KCNK12: variants seen among roughly 807,000 people sequenced by gnomAD.
KCNK12 encodes the protein potassium channel subfamily K member 12.
KCNK12 carries 6 observed loss-of-function variants against 25.3 expected under a neutral mutation model. That is an observed-to-expected ratio of 0.24 (90% CI 0.13 to 0.47). The LOEUF is 0.47. Among genes scored for constraint, KCNK12 ranks in the 20% least tolerant of loss-of-function variants. The probability of loss-of-function intolerance (pLI) is 0.99; values close to 1 mark genes in which losing one functional copy is unlikely to be tolerated. For missense variants in KCNK12, 444 were observed against 661.7 expected, an observed-to-expected ratio of 0.67 and a Z score of 3.61; for synonymous variants, 331 against 311.1, an observed-to-expected ratio of 1.06 and a Z score of -0.67.
In KCNK12 at chr2:47,551,619, C is replaced by A. The variant is rs200145966; in HGVS notation, c.391+18322G>T. ...CTGGATGCCAAATTAGAATACAGGG[C>A]CTGCTAACTGTTCTGGAAAGTATGA... On this transcript the variant is annotated intron_variant, in intron 1 of 1. Transcript: ENST00000327876. This position sits in a 1 kb window ranked among gnomAD's most constrained non-coding sequence, Gnocchi z 5.3. Among the ~76,000 whole-genome samples the A allele has an allele frequency of 1.3e-4, 20 of 152,268 alleles. 1 individual carries two copies. Among genetic ancestry groups the A allele is most frequent in the African/African-American group, 4.8e-4 (20 of 41,548 alleles).
At position 47,519,746 on chromosome 2, in the gene KCNK12, A is replaced by C. The variant is rs1003219688; in HGVS notation, c.*1161T>G. 1 of 152,208 alleles carries C rather than the reference A, an allele frequency of 6.6e-6. No individual in the cohort carries two copies. Among genetic ancestry groups the C allele is most frequent in the African/African-American group, 2.4e-5 (1 of 41,438 alleles). The allele number at this position is 152,208 out of a possible 1,614,324, so 9.4% of individuals were successfully genotyped here. ...AGAAGACAAATCCTCTTGATAAACAATATTTAGAAAGGGATTCTATCTTTC... is the reference window on the plus strand; with the variant it reads ...AGAAGACAAATCCTCTTGATAAACACTATTTAGAAAGGGATTCTATCTTTC... On this transcript the variant is annotated 3_prime_UTR_variant, in exon 2 of 2. Transcript: ENST00000327876.
intron 1 of KCNK12, among the ~76,000 whole-genome samples, chr2:47,561,647 A>G (rs756137879): frequency 8.5e-5 from 13 of 152,174 alleles, no homozygotes; most frequent in Non-Finnish European, 1.6e-4. Context: ...GATGCTACTC[A>G]TGGTTACCAG....
rs1668738736 is a variant in KCNK12 at position 47,525,041 on chromosome 2, C to G, written c.392-3233G>C. Among the ~76,000 whole-genome samples, 1 of 149,304 alleles carries G rather than the reference C, an allele frequency of 6.7e-6. No homozygotes were observed. Among genetic ancestry groups the G allele is most frequent in the Admixed American group, 6.6e-5 (1 of 15,246 alleles). ...CCTGGAAAACCAATACTTTGTCTAA[C>G]TAAGAAAATACTGAATTGGATTTTT... On this transcript the variant is annotated intron_variant, in intron 1 of 1. Transcript: ENST00000327876. This position sits in a 1 kb window ranked among gnomAD's most constrained non-coding sequence, Gnocchi z 4.1.
intron 1 of KCNK12, among the ~76,000 whole-genome samples, chr2:47,554,437 G>T (rs1360558974): frequency 6.6e-6 from 1 of 152,192 alleles, no homozygotes; most frequent in Admixed American, 6.5e-5. Flanking sequence ...TAGATATGAG[G>T]CTTGAATGTG....
Position 47,565,992 on chromosome 2 carries a change from G to T in KCNK12, c.391+3949C>A, listed in dbSNP as rs1669780116. On this transcript the variant is annotated intron_variant, in intron 1 of 1. Coordinates refer to ENST00000327876, the MANE Select transcript of KCNK12 (RefSeq NM_022055.2). This position sits in a 1 kb window ranked among gnomAD's most constrained non-coding sequence, Gnocchi z 5.0. ...AACAAACTTGATTTCAACCCCCAGG[G>T]AATATGTCACATAGCATAAATGGGA... 1 of 152,160 alleles carries T rather than the reference G, an allele frequency of 6.6e-6. No individual in the cohort carries two copies. Among genetic ancestry groups the T allele is most frequent in the Non-Finnish European group, 1.5e-5 (1 of 68,026 alleles). 9.4% of individuals were successfully genotyped at this position (152,160 alleles called of 1,614,324 possible).
At chr2:47,524,233 A>G (rs1214276813) in intron 1 of KCNK12, among the ~76,000 whole-genome samples, 3 of 152,260 alleles carry the variant, frequency 2.0e-5, no homozygotes, top group Non-Finnish European at 4.4e-5. Flanking sequence ...TTTATAAAGA[A>G]ATCAGCTCTG....
intron 1 of KCNK12, among the ~76,000 whole-genome samples, chr2:47,526,652 G>A (rs1336449962): frequency 6.6e-6 from 1 of 152,042 alleles, no homozygotes; most frequent in African/African-American, 2.4e-5. Context: ...AGAATCGCTT[G>A]AATCCGGGAG....
rs1451768878 is a variant in KCNK12 at position 47,548,769 on chromosome 2, G to T, written c.391+21172C>A. On this transcript the variant is annotated intron_variant, in intron 1 of 1. Transcript: ENST00000327876. The surrounding 1 kb of genome is among the most constrained non-coding windows in gnomAD (Gnocchi z 4.4). The stretch of plus-strand genomic sequence containing the variant: ...GAGAGAAGGGAAACAAACAAGGTGA[G>T]CCCTTCAAAAGCCCTGGTTTTTGCC... Among the ~76,000 whole-genome samples, 1 of 152,210 alleles carries T rather than the reference G, an allele frequency of 6.6e-6. No individual in the cohort carries two copies. Among genetic ancestry groups the T allele is most frequent in the African/African-American group, 2.4e-5 (1 of 41,454 alleles).
chr2:47,544,060 G>A (rs1197486767), intron 1 of KCNK12, among the ~76,000 whole-genome samples: 1 of 152,158 alleles, frequency 6.6e-6, no homozygotes, highest in African/African-American at 2.4e-5. Flanking sequence ...ATTCTAGAAA[G>A]CCAACCACCC....
At position 47,557,688 on chromosome 2, in the gene KCNK12, A is replaced by T. The variant is rs1226252776; in HGVS notation, c.391+12253T>A. On this transcript the variant is annotated intron_variant, in intron 1 of 1. Transcript: ENST00000327876. This position sits in a 1 kb window ranked among gnomAD's most constrained non-coding sequence, Gnocchi z 4.9. ...GTAAGGCAATTTCCGTATGTTAGGC[A>T]TACAATCCAATCTCTGCTTGACTGC... 6.6e-6 allele frequency among the ~76,000 whole-genome samples: 1 copy of T among 152,168 alleles called. No individual in the cohort carries two copies. Among genetic ancestry groups the T allele is most frequent in the Admixed American group, 6.5e-5 (1 of 15,274 alleles).
rs1323927638 is a variant in KCNK12 at position 47,519,733 on chromosome 2, CTCTTGATAAACAATATTTAGAAAGG to C, written c.*1149_*1173del. The C allele has an allele frequency of 7.2e-5, 11 of 152,364 alleles. No homozygotes were observed. The highest frequency in any genetic ancestry group is 2.6e-4 in the African/African-American group (11 of 41,570). The allele number at this position is 152,364 out of a possible 1,614,324, so 9.4% of individuals were successfully genotyped here. A position where few individuals can be genotyped will look rare whatever the true frequency, so the allele number is the denominator to read the frequency against. The stretch of plus-strand genomic sequence containing the variant: ...AGGCTGTGCATGGAGAAGACAAATC[CTCTTGATAAACAATATTTAGAAAGG>C]GATTCTATCTTTCCTGACCCCAAAC... On this transcript the variant is annotated 3_prime_UTR_variant, in exon 2 of 2. Transcript: ENST00000327876.
At chr2:47,552,702 A>C (rs1011302470) in intron 1 of KCNK12, among the ~76,000 whole-genome samples, 3 of 152,148 alleles carry the variant, frequency 2.0e-5, no homozygotes, top group African/African-American at 7.2e-5. Context: ...CAGGAGGCAG[A>C]GGTTGCAGTG....
chr2:47,569,925 G>A lies in KCNK12; in HGVS notation c.391+16C>T, dbSNP rs1475668165. On this transcript the variant is annotated intron_variant, in intron 1 of 1. Coordinates refer to ENST00000327876, the MANE Select transcript of KCNK12 (RefSeq NM_022055.2). The surrounding 1 kb of genome is among the most constrained non-coding windows in gnomAD (Gnocchi z 4.1). Reference sequence around the variant, plus strand: ...AGGCACAGAGAGGAAAGATGCGCGGGGGACGCGCCGCTCACCTATGGTTGA... The same window carrying A: ...AGGCACAGAGAGGAAAGATGCGCGGAGGACGCGCCGCTCACCTATGGTTGA... 1 of 1,364,078 alleles carries A rather than the reference G, an allele frequency of 7.3e-7. No homozygotes were observed. The allele number at this position is 1,364,078 out of a possible 1,614,324, so 84.5% of individuals were successfully genotyped here.
rs930412179 is a variant in KCNK12 at position 47,551,546 on chromosome 2, G to A, written c.391+18395C>T. Among the ~76,000 whole-genome samples the A allele has an allele frequency of 2.0e-5, 3 of 152,136 alleles. No homozygotes were observed. The highest frequency in any genetic ancestry group is 2.4e-5 in the African/African-American group (1 of 41,422). ...TTCAGTTGCTGGCACATAGTGGAGC[G>A]CTCAAGAAATATTTGTTGAATAAAT... On this transcript the variant is annotated intron_variant, in intron 1 of 1. Transcript: ENST00000327876. This position sits in a 1 kb window ranked among gnomAD's most constrained non-coding sequence, Gnocchi z 5.3.
At position 47,540,910 on chromosome 2, in the gene KCNK12, T is replaced by G. The variant is rs1669184345; in HGVS notation, c.392-19102A>C. 6.6e-6 allele frequency among the ~76,000 whole-genome samples: 1 copy of G among 152,192 alleles called. No homozygotes were observed. Among genetic ancestry groups the G allele is most frequent in the Non-Finnish European group, 1.5e-5 (1 of 68,030 alleles). On this transcript the variant is annotated intron_variant, in intron 1 of 1. Coordinates refer to ENST00000327876, the MANE Select transcript of KCNK12 (RefSeq NM_022055.2). This position sits in a 1 kb window ranked among gnomAD's most constrained non-coding sequence, Gnocchi z 5.4. The stretch of plus-strand genomic sequence containing the variant: ...CTGGAGTGAGCTGTGATTCTACCAC[T>G]GCACTCCAGCCTGGGCAACAGAGTG...
Position 47,518,006 on chromosome 2 carries a change from A to G in KCNK12, c.*2901T>C, listed in dbSNP as rs1338820755. 6.6e-6 allele frequency: 1 copy of G among 152,226 alleles called. No homozygotes were observed. The highest frequency in any genetic ancestry group is 1.9e-4 in the East Asian group (1 of 5,196). 9.4% of individuals were successfully genotyped at this position (152,226 alleles called of 1,614,324 possible). A position where few individuals can be genotyped will look rare whatever the true frequency, so the allele number is the denominator to read the frequency against. ...GTGGTGTGCAAACTGGAGACCCCCA[A>G]GACAGTGAGAGAGGCCACAGCATCT... On this transcript the variant is annotated 3_prime_UTR_variant, in exon 2 of 2. Coordinates refer to ENST00000327876, the MANE Select transcript of KCNK12 (RefSeq NM_022055.2). The surrounding 1 kb of genome is among the most constrained non-coding windows in gnomAD (Gnocchi z 4.1).
At chr2:47,522,598 C>T (rs1668682982) in intron 1 of KCNK12, among the ~76,000 whole-genome samples, 1 of 152,194 alleles carries the variant, frequency 6.6e-6, no homozygotes, top group Non-Finnish European at 1.5e-5. Flanking sequence ...ACCTCAGCCT[C>T]CCAAGTGATA....
At chr2:47,531,299 C>A (rs1364488922) in intron 1 of KCNK12, among the ~76,000 whole-genome samples, 1 of 151,990 alleles carries the variant, frequency 6.6e-6, no homozygotes. Flanking sequence ...ATAGTGGGAC[C>A]CCATTTCTAC....
At chr2:47,554,088 G>A (rs981620154) in intron 1 of KCNK12, among the ~76,000 whole-genome samples, 1 of 152,154 alleles carries the variant, frequency 6.6e-6, no homozygotes, top group South Asian at 2.1e-4. Flanking sequence ...ACATGATACA[G>A]GTGTTATTAT....
Sources: gnomAD v4.1 joint callset for allele counts (sites outside exome capture counted in the v4.1 genomes callset) on GRCh38, gnomAD v4.1.1 for gene constraint, Gnocchi (gnomAD v3.1) non-coding constraint, MANE v1.5 for transcripts, NCBI Gene and HGNC (gene_info 2026-07-23, HGNC 2026-07-21) for gene names.